Variants in ITGA11 observed in about 807,000 individuals in gnomAD.
The protein encoded by ITGA11 is integrin subunit alpha 11.
A neutral mutation model predicts 141.9 loss-of-function variants in ITGA11; 97 were observed. The ratio of observed to expected loss-of-function variants is 0.68; its 90% CI spans 0.58 to 0.81. ITGA11 has a LOEUF of 0.81. Ranked by LOEUF, ITGA11 falls within the 30% of genes least tolerant of loss-of-function variation. ITGA11 has a pLI of 0.00. For missense variants in ITGA11, 1,387 were observed against 1,559.2 expected (o/e 0.89, Z 1.86); for synonymous variants, 658 against 624.6 (o/e 1.05, Z -0.80).
intron 6 of ITGA11, among the ~76,000 whole-genome samples, chr15:68,357,846 C>T (rs1895117987): frequency 6.6e-6 from 1 of 152,206 alleles, no homozygotes; most frequent in African/African-American, 2.4e-5. Context: ...CCTTCTAATG[C>T]TGGACTTTCA....
Position 68,326,755 on chromosome 15 carries a change from G to T in ITGA11, c.2110C>A (p.Pro704Thr). ...NATMDERRYT[P>T]RAHLDEGGDR... is the part of the protein sequence containing the mutation. ...CCGCCCTCGTCCAGGTGGGCCCTCG[G>T]TGTATACCGCCTCTCATCCATGGTG... is the stretch of plus-strand genomic sequence containing the variant. The change falls in exon 17 of 30, where the codon CCG becomes ACG. Residue 704 changes from proline to threonine, a missense_variant. Coordinates refer to ENST00000315757, the MANE Select transcript of ITGA11 (RefSeq NM_001004439.2). The surrounding 1 kb of genome is among the most constrained non-coding windows in gnomAD (Gnocchi z 6.8). The T allele has an allele frequency of 6.3e-7, 1 of 1,581,390 alleles. No homozygotes were observed. The highest frequency in any genetic ancestry group is 1.8e-5 in the Admixed American group (1 of 55,826).
intron 2 of ITGA11, among the ~76,000 whole-genome samples, chr15:68,374,807 G>A (rs1287994062): frequency 1.3e-5 from 2 of 152,208 alleles, no homozygotes; most frequent in African/African-American, 4.8e-5. Context: ...CTCCCTGATG[G>A]GCCTCACAGC....
intron 11 of ITGA11, among the ~76,000 whole-genome samples, chr15:68,339,045 C>T (rs1894469062): frequency 6.6e-6 from 1 of 152,254 alleles, no homozygotes; most frequent in Non-Finnish European, 1.5e-5. Context: ...TAGATATCCA[C>T]TTCCAAAGTG....
rs75367133 is a variant in ITGA11, at chr15:68,393,799, G to A, written c.164+9119C>T. ...TAAAAGAGACGAAGAACACCAGAAA[G>A]GGTAGCTATGTGGATAAGTAGACAT... On this transcript the variant is annotated intron_variant, in intron 2 of 29. Transcript: ENST00000315757. 9.2e-5 allele frequency among the ~76,000 whole-genome samples: 14 copies of A among 152,234 alleles called. No homozygotes were observed. The East Asian group carries it at 2.7e-3, about 29-fold the overall frequency.
In ITGA11 at chr15:68,353,063, G is replaced by T. The variant is rs117143015; in HGVS notation, c.750-1661C>A. 2.6e-3 allele frequency among the ~76,000 whole-genome samples: 392 copies of T among 152,350 alleles called. 4 individuals are homozygous for T. Among genetic ancestry groups the T allele is most frequent in the Non-Finnish European group, 2.6e-3 (177 of 68,034 alleles). ...ATGGGTCTGACCCACAGCAAGGCAG[G>T]ACAGGCCACAGATTTAAGCTCTGTA... is the stretch of plus-strand genomic sequence containing the variant. On this transcript the variant is annotated intron_variant, in intron 7 of 29. Coordinates refer to ENST00000315757, the MANE Select transcript of ITGA11 (RefSeq NM_001004439.2).
rs187387730 is a variant in ITGA11, at chr15:68,349,398, A to C, written c.1061-498T>G. Among the ~76,000 whole-genome samples the C allele has an allele frequency of 7.0e-4, 107 of 152,344 alleles. No homozygotes were observed. In the East Asian group the frequency reaches 0.02, roughly 28 times the overall value. ...ACTGCAGATTTGCGTAAGAAATCCC[A>C]TGAGTGCTGAAAGCCTCTCCCCACA... On this transcript the variant is annotated intron_variant, in intron 9 of 29. Transcript: ENST00000315757.
chr15:68,311,618 A>AG (rs1893389703), intron 24 of ITGA11, among the ~76,000 whole-genome samples: 1 of 152,076 alleles, frequency 6.6e-6, no homozygotes, highest in South Asian at 2.1e-4. Context: ...AAGCCCTGAG[A>AG]GGGGATGGGT....
At chr15:68,347,193 C>T (rs184624874) in intron 10 of ITGA11, among the ~76,000 whole-genome samples, 9 of 152,340 alleles carry the variant, frequency 5.9e-5, no homozygotes, top group African/African-American at 1.4e-4. Context: ...CTGGCCCCCA[C>T]ATGAATGGAT....
intron 1 of ITGA11, among the ~76,000 whole-genome samples, chr15:68,413,128 AG>A (rs1168640539): frequency 6.6e-6 from 1 of 152,192 alleles, no homozygotes; most frequent in African/African-American, 2.4e-5. Flanking sequence ...GGTTAGGACT[AG>A]GGGGTAGGGA....
rs777781459 is a variant in ITGA11 at position 68,369,277 on chromosome 15, C to A, written c.172G>T (p.Val58Leu). Reference sequence around the variant, plus strand: ...CCATTGGTTTCCAGTGGGGCGCCCACGACCAGCCTGGGAAGGAAGAGAAGA... The same window carrying A: ...CCATTGGTTTCCAGTGGGGCGCCCAAGACCAGCCTGGGAAGGAAGAGAAGA... ...HDISGNKWLV[V>L]GAPLETNGYQ... Residue 58 changes from valine (V) to leucine (L), a missense_variant, in exon 3 of 30, where the codon GTG (valine) becomes TTG (leucine). By Grantham distance (32) the Val-to-Leu change is conservative. Coordinates refer to ENST00000315757, the MANE Select transcript of ITGA11 (RefSeq NM_001004439.2). 1.2e-6 allele frequency: 2 copies of A among 1,613,438 alleles called. No homozygotes were observed. The highest frequency in any genetic ancestry group is 1.3e-5 in the African/African-American group (1 of 74,900).
chr15:68,410,174 G>T (rs1458739768), intron 1 of ITGA11, among the ~76,000 whole-genome samples: 1 of 152,242 alleles, frequency 6.6e-6, no homozygotes, highest in Non-Finnish European at 1.5e-5. Flanking sequence ...CCAGGTTGGA[G>T]CTGACGGCCA....
Position 68,350,814 on chromosome 15 carries a change from C to A in ITGA11, c.895-32G>T, listed in dbSNP as rs369706050. 2.3e-5 allele frequency: 36 copies of A among 1,593,240 alleles called. No homozygotes were observed. The African/African-American group carries it at 4.1e-4, about 18-fold the overall frequency. On this transcript the variant is annotated intron_variant, in intron 8 of 29. Transcript: ENST00000315757. Reference sequence around the variant, plus strand: ...GGGAACAGGGGCAGGAACCACAAACCAGAACATAGCACAGACTTTCCCATA... The same window carrying A: ...GGGAACAGGGGCAGGAACCACAAACAAGAACATAGCACAGACTTTCCCATA...
In ITGA11 at chr15:68,300,339, C is replaced by G. The variant is rs1892999922; in HGVS notation, c.*2720G>C. On this transcript the variant is annotated 3_prime_UTR_variant, in exon 30 of 30. Transcript: ENST00000315757. ...TCTTACAGCCTGGATATTCACTTACCTGTTGATTGCAACTCTCAGCCATTA... is the reference window on the plus strand; with the variant it reads ...TCTTACAGCCTGGATATTCACTTACGTGTTGATTGCAACTCTCAGCCATTA... 6.6e-6 allele frequency: 1 copy of G among 152,218 alleles called. No homozygotes were observed. The highest frequency in any genetic ancestry group is 6.5e-5 in the Admixed American group (1 of 15,282). 9.4% of individuals were successfully genotyped at this position (152,218 alleles called of 1,614,324 possible).
At chr15:68,393,351 TA>T (rs1896162369) in intron 2 of ITGA11, among the ~76,000 whole-genome samples, 1 of 152,114 alleles carries the variant, frequency 6.6e-6, no homozygotes, top group Admixed American at 6.5e-5. Context: ...CAAATCTAAT[TA>T]AAAGTATCAA....
intron 2 of ITGA11, among the ~76,000 whole-genome samples, chr15:68,402,002 G>A (rs75745080): frequency 0.026 from 3,795 of 147,486 alleles, 146 homozygotes; most frequent in African/African-American, 0.086. Context: ...GCAATGCTGC[G>A]ATTGTGCCAT....
Position 68,303,593 on chromosome 15 carries a change from T to A in ITGA11, c.3495+179A>T, listed in dbSNP as rs1893097272. 6.6e-6 allele frequency among the ~76,000 whole-genome samples: 1 copy of A among 151,140 alleles called. No homozygotes were observed. Among genetic ancestry groups the A allele is most frequent in the Admixed American group, 6.6e-5 (1 of 15,192 alleles). On this transcript the variant is annotated intron_variant, in intron 29 of 29. Coordinates refer to ENST00000315757, the MANE Select transcript of ITGA11 (RefSeq NM_001004439.2). The surrounding 1 kb of genome is among the most constrained non-coding windows in gnomAD (Gnocchi z 5.3). ...GTTCTCAAAGGCATCCACAAACAGG[T>A]TAGAGCCATAGTCTGAGTGCCGTCT...
Position 68,307,792 on chromosome 15 carries a change from C to T in ITGA11, c.3175-96G>A. The stretch of plus-strand genomic sequence containing the variant: ...ACGACTGGGGCTCTGCTCCTGGGGG[C>T]AGGGGCAGAGGACAGGGGACAAAGA... On this transcript the variant is annotated intron_variant, in intron 26 of 29. Coordinates refer to ENST00000315757, the MANE Select transcript of ITGA11 (RefSeq NM_001004439.2). This position sits in a 1 kb window ranked among gnomAD's most constrained non-coding sequence, Gnocchi z 6.1. 2.5e-6 allele frequency: 2 copies of T among 797,460 alleles called. No homozygotes were observed. The highest frequency in any genetic ancestry group is 1.6e-5 in the South Asian group (1 of 62,324). 49.4% of individuals were successfully genotyped at this position (797,460 alleles called of 1,614,324 possible).
intron 12 of ITGA11, 36 bp from the exon 13 acceptor site, chr15:68,332,514 T>C: frequency 6.2e-7 from 1 of 1,603,260 alleles, no homozygotes; most frequent in African/African-American, 1.3e-5. Flanking sequence ...GTGGGCTGGC[T>C]GCCCAGCTCG....
At chr15:68,361,070 G>C (rs1384213573) in intron 5 of ITGA11, among the ~76,000 whole-genome samples, 3 of 152,142 alleles carry the variant, frequency 2.0e-5, no homozygotes, top group Non-Finnish European at 4.4e-5. Context: ...ATGAGCAAGA[G>C]GTTTTACGTT....
Sources: allele counts gnomAD v4.1 joint callset (sites outside exome capture counted in the v4.1 genomes callset), GRCh38; gene constraint gnomAD v4.1.1; non-coding constraint Gnocchi (gnomAD v3.1); transcripts MANE v1.5; gene names NCBI Gene and HGNC (gene_info 2026-07-23, HGNC 2026-07-21).